The following SAMD8 variants were observed in gnomAD, a reference collection of about 807,000 sequenced individuals.
SAMD8 encodes the protein sterile alpha motif domain containing 8.
A neutral mutation model predicts 42.0 loss-of-function variants in SAMD8; 20 were observed. That is an observed-to-expected ratio of 0.48 (90% CI 0.34 to 0.69). The LOEUF is 0.69. Among genes scored for constraint, SAMD8 ranks in the 30% least tolerant of loss-of-function variants. The pLI is 0.01. For missense variants in SAMD8, 328 were observed against 511.6 expected (o/e 0.64, Z 3.46); for synonymous variants, 162 against 173.0 (o/e 0.94, Z 0.50).
At chr10:75,149,411 C>T (rs1840228087) in intron 1 of SAMD8, among the ~76,000 whole-genome samples, 1 of 152,088 alleles carries the variant, frequency 6.6e-6, no homozygotes, top group Non-Finnish European at 1.5e-5. Context: ...ATGGAAATGA[C>T]AGTTTTCTTT....
intron 4 of SAMD8, among the ~76,000 whole-genome samples, chr10:75,169,055 C>G (rs1315115117): frequency 1.3e-5 from 2 of 148,508 alleles, no homozygotes; most frequent in Non-Finnish European, 3.0e-5. Context: ...CTTGTAATCC[C>G]AGCTACTCAG....
chr10:75,144,118 C>A (rs996002206), intron 1 of SAMD8, among the ~76,000 whole-genome samples: 2 of 152,024 alleles, frequency 1.3e-5, no homozygotes, highest in Admixed American at 6.6e-5. Flanking sequence ...CAGGCACCCG[C>A]CACCATGCCA....
chr10:75,110,331 G>T (rs1848735459), upstream of SAMD8, among the ~76,000 whole-genome samples: 1 of 152,156 alleles, frequency 6.6e-6, no homozygotes, highest in Non-Finnish European at 1.5e-5. Flanking sequence ...ACTGAGAAAG[G>T]TCAACCTGTC....
intron 4 of SAMD8, among the ~76,000 whole-genome samples, chr10:75,172,540 C>G (rs993480395): frequency 4.0e-5 from 6 of 151,856 alleles, no homozygotes; most frequent in African/African-American, 1.5e-4. Context: ...CTCTGTCGCC[C>G]CGGCTAGCGT....
chr10:75,151,744 T>C (rs1840292640), intron 2 of SAMD8, among the ~76,000 whole-genome samples: 1 of 152,204 alleles, frequency 6.6e-6, no homozygotes, highest in Non-Finnish European at 1.5e-5. Flanking sequence ...TGGAGTGCAG[T>C]GGCATGATCT....
chr10:75,140,430 C>T (rs531665922), intron 1 of SAMD8, among the ~76,000 whole-genome samples: 1 of 152,218 alleles, frequency 6.6e-6, no homozygotes, highest in African/African-American at 2.4e-5. Context: ...AAAATGACTC[C>T]TAATGACCTA....
At chr10:75,161,605 A>G (rs989223454) in intron 2 of SAMD8, among the ~76,000 whole-genome samples, 3 of 152,206 alleles carry the variant, frequency 2.0e-5, no homozygotes, top group African/African-American at 7.2e-5. Context: ...AACACTTAAA[A>G]AAAAACTTTC....
At chr10:75,149,892 A>C (rs1237913390) in intron 1 of SAMD8, among the ~76,000 whole-genome samples, 1 of 152,078 alleles carries the variant, frequency 6.6e-6, no homozygotes, top group Non-Finnish European at 1.5e-5. Context: ...TTTGGTTATT[A>C]AATTTTCTTC....
At chr10:75,157,554 T>G (rs1402648057) in intron 2 of SAMD8, among the ~76,000 whole-genome samples, 1 of 152,156 alleles carries the variant, frequency 6.6e-6, no homozygotes, top group Non-Finnish European at 1.5e-5. Flanking sequence ...TTTTATTTTC[T>G]CTGTTTAAAG....
intron 2 of SAMD8, among the ~76,000 whole-genome samples, chr10:75,155,973 G>A (rs779158076): frequency 6.6e-6 from 1 of 152,198 alleles, no homozygotes; most frequent in Non-Finnish European, 1.5e-5. Context: ...CATTTTGGGA[G>A]ACCCAGGCGG....
chr10:75,115,168 C>T lies in SAMD8; in HGVS notation c.-16+3446C>T, dbSNP rs113559014. On this transcript the variant is annotated intron_variant, in intron 1 of 5. Coordinates refer to ENST00000542569, the MANE Select transcript of SAMD8 (RefSeq NM_001174156.2). ...AAAGAGTTACTTATTTGCAAAATGC[C>T]GTATCTTTAATACTTGCTTACATGT... Among the ~76,000 whole-genome samples, 10 of 152,226 alleles carry T rather than the reference C, an allele frequency of 6.6e-5. No homozygotes were observed. The East Asian group carries it at 9.6e-4, about 15-fold the overall frequency.
chr10:75,162,351 T>G (rs1840576125), intron 2 of SAMD8, among the ~76,000 whole-genome samples: 2 of 148,036 alleles, frequency 1.4e-5, no homozygotes, highest in South Asian at 4.3e-4. Context: ...AAAGCGAGAC[T>G]GTGTTTCAAA....
At chr10:75,152,390 C>T (rs969912250) in intron 2 of SAMD8, among the ~76,000 whole-genome samples, 6 of 149,730 alleles carry the variant, frequency 4.0e-5, no homozygotes, top group Admixed American at 1.3e-4. Flanking sequence ...GGCATAGTGG[C>T]GGGCGCCTGT....
At chr10:75,134,899 A>G (rs939676340) in intron 1 of SAMD8, among the ~76,000 whole-genome samples, 2 of 151,522 alleles carry the variant, frequency 1.3e-5, no homozygotes, top group African/African-American at 4.9e-5. Context: ...TCTACAAAAA[A>G]GTAAAAAAAA....
chr10:75,104,593 G>GGA (rs1848378654), intron 1 of SAMD8, among the ~76,000 whole-genome samples: 1 of 152,186 alleles, frequency 6.6e-6, no homozygotes, highest in South Asian at 2.1e-4. Flanking sequence ...CCTGTCTAGA[G>GGA]GAGAGAGAGC....
chr10:75,167,209 A>G (rs1311045904), intron 3 of SAMD8, among the ~76,000 whole-genome samples: 2 of 152,318 alleles, frequency 1.3e-5, no homozygotes, highest in African/African-American at 2.4e-5. Flanking sequence ...AGTTAAGAGA[A>G]GTTAGAATGA....
chr10:75,161,521 C>T (rs1269437824), intron 2 of SAMD8, among the ~76,000 whole-genome samples: 3 of 150,976 alleles, frequency 2.0e-5, no homozygotes, highest in Non-Finnish European at 4.4e-5. Context: ...AGTCAAGAAA[C>T]CAGACGTCTG....
chr10:75,120,803 C>T lies in SAMD8; in HGVS notation c.-16+9081C>T, dbSNP rs1184629754. Among the ~76,000 whole-genome samples, 8 of 84,224 alleles carry T rather than the reference C, an allele frequency of 9.5e-5. No homozygotes were observed. The Admixed American group carries it at 9.6e-4, about 10-fold the overall frequency. 55.3% of individuals were successfully genotyped at this position (84,224 alleles called of 152,430 possible). A position where few individuals can be genotyped will look rare whatever the true frequency, so the allele number is the denominator to read the frequency against. ...TTTTTTTTTTTTTTTTTTTTTGAGA[C>T]GAAATCTCACTCTGTTGCCTGGGCT... is the stretch of plus-strand genomic sequence containing the variant. On this transcript the variant is annotated intron_variant, in intron 1 of 5. Transcript: ENST00000542569.
intron 3 of SAMD8, 38 bp downstream of exon 3, chr10:75,164,778 G>T: frequency 2.2e-6 from 3 of 1,383,696 alleles, no homozygotes; most frequent in South Asian, 1.2e-5. Context: ...AAAATGTTTT[G>T]ACTCCTGTAT....
Sources: allele counts gnomAD v4.1 joint callset (sites outside exome capture counted in the v4.1 genomes callset), GRCh38; gene constraint gnomAD v4.1.1; transcripts MANE v1.5; gene names NCBI Gene and HGNC (gene_info 2026-07-23, HGNC 2026-07-21).